The following ELP4 variants were observed in gnomAD, a reference collection of about 807,000 sequenced individuals.
ELP4 encodes the protein elongator acetyltransferase complex subunit 4.
Under a neutral mutation model 48.9 loss-of-function variants are expected in ELP4, and 51 were observed. That is an observed-to-expected ratio of 1.04 (90% confidence interval 0.83 to 1.32). The LOEUF (loss-of-function observed/expected upper bound fraction) is 1.32. Ranked by LOEUF, ELP4 falls within the 40% of genes most tolerant of loss-of-function variation. ELP4 has a pLI of 0.00. For missense variants in ELP4, 519 were observed against 514.6 expected (o/e 1.01, Z -0.08); for synonymous variants, 210 against 189.2 (o/e 1.11, Z -0.90).
At chr11:31,657,618 A>G (rs1945464589) in intron 9 of ELP4, among the ~76,000 whole-genome samples, 1 of 151,894 alleles carries the variant, frequency 6.6e-6, no homozygotes. Flanking sequence ...TGTTCTAGGT[A>G]TTGTGTTGGG....
chr11:31,517,752 G>A (rs759322306), intron 1 of ELP4, among the ~76,000 whole-genome samples: 42 of 151,860 alleles, frequency 2.8e-4, no homozygotes, highest in Non-Finnish European at 5.3e-4. Context: ...AAGTAGCTGG[G>A]ACTACAGGCG....
chr11:31,564,035 T>C (rs1957065006), intron 3 of ELP4, among the ~76,000 whole-genome samples: 1 of 152,188 alleles, frequency 6.6e-6, no homozygotes, highest in African/African-American at 2.4e-5. Context: ...TTTTGTTTGA[T>C]TAGAAACAGT....
At chr11:31,625,354 C>A (rs924982634) in intron 5 of ELP4, among the ~76,000 whole-genome samples, 2 of 151,756 alleles carry the variant, frequency 1.3e-5, no homozygotes, top group African/African-American at 2.4e-5. Context: ...CATATTTACA[C>A]TCCCATGTTT....
chr11:31,736,907 G>A (rs1947331760), intron 9 of ELP4, among the ~76,000 whole-genome samples: 1 of 152,214 alleles, frequency 6.6e-6, no homozygotes, highest in South Asian at 2.1e-4. Context: ...AAGTCAGTGT[G>A]GCGATTCCTT....
chr11:31,521,673 A>G (rs1956216455), intron 2 of ELP4, among the ~76,000 whole-genome samples: 1 of 152,138 alleles, frequency 6.6e-6, no homozygotes, highest in Non-Finnish European at 1.5e-5. Flanking sequence ...AAGTTGCAGC[A>G]CTGTAAAAAT....
At chr11:31,533,989 C>T (rs1253837296) in intron 2 of ELP4, among the ~76,000 whole-genome samples, 1 of 151,964 alleles carries the variant, frequency 6.6e-6, no homozygotes, top group African/African-American at 2.4e-5. Flanking sequence ...GCTCCCGCCA[C>T]CACGCCCAGC....
At position 31,736,591 on chromosome 11, in the gene ELP4, A is replaced by G. The variant is rs566941488; in HGVS notation, c.1144-46802A>G. ...CAACCTACTCATCTGACAAAGGGCT[A>G]ATATACAGAGTCTACAATGAACTCA... On this transcript the variant is annotated intron_variant, in intron 9 of 9. Transcript: ENST00000640961. 1.9e-4 allele frequency among the ~76,000 whole-genome samples: 29 copies of G among 152,368 alleles called. No homozygotes were observed. The South Asian group carries it at 5.4e-3, about 28-fold the overall frequency.
At chr11:31,558,311 C>CA (rs1956960764) in intron 3 of ELP4, among the ~76,000 whole-genome samples, 4 of 151,944 alleles carry the variant, frequency 2.6e-5, no homozygotes, top group Admixed American at 2.6e-4. Flanking sequence ...TTAAAGATGG[C>CA]ATGTGCCTGA....
intron 3 of ELP4, among the ~76,000 whole-genome samples, chr11:31,550,565 G>A (rs1042357676): frequency 1.4e-4 from 21 of 152,212 alleles, no homozygotes; most frequent in African/African-American, 5.1e-4. Context: ...TTTAACTGAA[G>A]AAAAATAGTG....
intron 3 of ELP4, among the ~76,000 whole-genome samples, chr11:31,577,665 A>G (rs981859591): frequency 6.6e-6 from 1 of 152,190 alleles, no homozygotes; most frequent in African/African-American, 2.4e-5. Context: ...AATGTAATCC[A>G]TCGTATAAAC....
chr11:31,683,810 A>G (rs1302682434), intron 9 of ELP4, among the ~76,000 whole-genome samples: 1 of 151,716 alleles, frequency 6.6e-6, no homozygotes, highest in East Asian at 1.9e-4. Context: ...ATAAATGTCA[A>G]AATTGATAAG....
chr11:31,790,302 A>G lies in ELP4; in HGVS notation c.*6778A>G. ...GTTTGTTTGCATGTTTGGAACTTTT[A>G]CAATAAAGCTGTCTCTGGAAAACCA... is the stretch of plus-strand genomic sequence containing the variant. On this transcript the variant is annotated 3_prime_UTR_variant, in exon 10 of 10. Transcript: ENST00000640961. 1 of 619,548 alleles carries G rather than the reference A, an allele frequency of 1.6e-6. No homozygotes were observed. The highest frequency in any genetic ancestry group is 4.2e-5 in the East Asian group (1 of 23,570). 38.4% of individuals were successfully genotyped at this position (619,548 alleles called of 1,614,324 possible).
chr11:31,749,203 A>G (rs924190347), intron 9 of ELP4, among the ~76,000 whole-genome samples: 10 of 152,194 alleles, frequency 6.6e-5, no homozygotes, highest in African/African-American at 2.4e-4. Context: ...CATTTAGTAA[A>G]CATTACTGTG....
intron 3 of ELP4, among the ~76,000 whole-genome samples, chr11:31,550,876 T>A (rs1053435846): frequency 1.4e-4 from 22 of 152,198 alleles, no homozygotes; most frequent in African/African-American, 4.8e-4. Context: ...CCCAAAAAGC[T>A]ATTGTCATGA....
intron 5 of ELP4, among the ~76,000 whole-genome samples, chr11:31,620,947 A>G (rs1407747483): frequency 2.0e-5 from 3 of 151,928 alleles, no homozygotes; most frequent in Non-Finnish European, 2.9e-5. Flanking sequence ...CAAACTCAGT[A>G]TTCTTAGCTG....
chr11:31,550,216 T>G (rs1956821024), intron 3 of ELP4, among the ~76,000 whole-genome samples: 1 of 152,126 alleles, frequency 6.6e-6, no homozygotes, highest in Admixed American at 6.6e-5. Flanking sequence ...AGTAAATATA[T>G]AATACTTTTA....
chr11:31,616,913 G>A lies in ELP4; in HGVS notation c.654-10197G>A, dbSNP rs1944498057. ...AAAATGAAAAATAGGAAAGGAAAAA[G>A]TAAAAAAGAACAGAAAAGATCAAGT... is the stretch of plus-strand genomic sequence containing the variant. On this transcript the variant is annotated intron_variant, in intron 5 of 9. Coordinates refer to ENST00000640961, the MANE Select transcript of ELP4 (RefSeq NM_019040.5). Among the ~76,000 whole-genome samples, 3 of 151,990 alleles carry A rather than the reference G, an allele frequency of 2.0e-5. No homozygotes were observed. The South Asian group carries it at 6.2e-4, about 31-fold the overall frequency.
At chr11:31,527,850 A>C (rs1040134464) in intron 2 of ELP4, among the ~76,000 whole-genome samples, 1 of 152,060 alleles carries the variant, frequency 6.6e-6, no homozygotes, top group Non-Finnish European at 1.5e-5. Flanking sequence ...ACTTCTGACT[A>C]TAAGGCCTTT....
intron 9 of ELP4, among the ~76,000 whole-genome samples, chr11:31,696,181 T>G (rs1364148187): frequency 8.6e-5 from 13 of 151,728 alleles, no homozygotes; most frequent in Non-Finnish European, 1.5e-4. Flanking sequence ...GTTCTGCTCT[T>G]ATCTTAGTTA....
Sources: gnomAD v4.1 joint callset for allele counts (sites outside exome capture counted in the v4.1 genomes callset) on GRCh38, gnomAD v4.1.1 for gene constraint, MANE v1.5 for transcripts, NCBI Gene and HGNC (gene_info 2026-07-23, HGNC 2026-07-21) for gene names.